Variants in VPS50 observed in about 807,000 individuals in gnomAD.
VPS50 encodes the protein syndetin.
Under a neutral mutation model 139.7 loss-of-function variants are expected in VPS50, and 70 were observed. The observed-to-expected ratio is 0.50, with a 90% CI of 0.41 to 0.61. The LOEUF (loss-of-function observed/expected upper bound fraction) is 0.61. Among genes scored for constraint, VPS50 ranks in the 20% least tolerant of loss-of-function variants. The pLI is 0.00. For synonymous variants in VPS50, 365 were observed against 376.7 expected (o/e 0.97, Z 0.36); for missense variants, 921 against 1,133.7 (o/e 0.81, Z 2.69).
chr7:93,289,049 G>A (rs933337567), intron 12 of VPS50, among the ~76,000 whole-genome samples: 9 of 152,142 alleles, frequency 5.9e-5, no homozygotes, highest in African/African-American at 2.2e-4. Flanking sequence ...GTCATCCTAG[G>A]GATGTGGCTT....
At chr7:93,248,539 C>T (rs1462583577) in intron 2 of VPS50, among the ~76,000 whole-genome samples, 1 of 152,092 alleles carries the variant, frequency 6.6e-6, no homozygotes, top group Non-Finnish European at 1.5e-5. Context: ...AAATGTTTTA[C>T]TAAGAGTTGG....
intron 18 of VPS50, among the ~76,000 whole-genome samples, chr7:93,306,319 T>C (rs1797114988): frequency 6.6e-6 from 1 of 151,946 alleles, no homozygotes; most frequent in African/African-American, 2.4e-5. Context: ...GTGAATATTA[T>C]GTGATATATT....
chr7:93,336,639 G>C (rs1419949931), intron 22 of VPS50, among the ~76,000 whole-genome samples: 1 of 151,924 alleles, frequency 6.6e-6, no homozygotes, highest in Non-Finnish European at 1.5e-5. Context: ...TCAGCCTCCC[G>C]AGTAGCTGGA....
At chr7:93,298,930 C>G (rs2116956860) in intron 16 of VPS50, among the ~76,000 whole-genome samples, 1 of 152,262 alleles carries the variant, frequency 6.6e-6, no homozygotes, top group East Asian at 1.9e-4. Flanking sequence ...ATCCTTTAAC[C>G]TCTCTGGCCT....
At chr7:93,297,293 C>CTT in intron 16 of VPS50, 50 bp downstream of exon 16, 2 of 1,442,218 alleles carry the variant, frequency 1.4e-6, no homozygotes, top group Non-Finnish European at 1.8e-6. Context: ...AATGAGAATA[C>CTT]TTTTGTCTAA....
chr7:93,320,663 C>T (rs1391038141), intron 20 of VPS50: 1 of 152,394 alleles, frequency 6.6e-6, no homozygotes, highest in East Asian at 1.9e-4. Flanking sequence ...CCGCTCCCAG[C>T]TTATCATTTC....
intron 21 of VPS50, among the ~76,000 whole-genome samples, chr7:93,332,303 T>G (rs1797962901): frequency 6.6e-6 from 1 of 152,194 alleles, no homozygotes; most frequent in Non-Finnish European, 1.5e-5. Context: ...AAGGAGATAG[T>G]AAGCTCTCTA....
At chr7:93,355,594 T>C (rs1463567836) in intron 26 of VPS50, among the ~76,000 whole-genome samples, 1 of 152,138 alleles carries the variant, frequency 6.6e-6, no homozygotes, top group African/African-American at 2.4e-5. Context: ...AGTTTAACTT[T>C]CTTACAGACA....
intron 20 of VPS50, chr7:93,320,898 C>G (rs1324393385): frequency 6.6e-6 from 1 of 152,388 alleles, no homozygotes; most frequent in Admixed American, 6.5e-5. Flanking sequence ...TGAATAGCTT[C>G]CACCTCCTTT....
intron 4 of VPS50, among the ~76,000 whole-genome samples, chr7:93,254,622 A>G (rs1354173484): frequency 6.6e-6 from 1 of 152,184 alleles, no homozygotes; most frequent in African/African-American, 2.4e-5. Flanking sequence ...GAAAGTCTGA[A>G]TTGTAGTCAC....
intron 9 of VPS50, among the ~76,000 whole-genome samples, chr7:93,265,020 A>G (rs930385785): frequency 2.6e-5 from 4 of 152,196 alleles, no homozygotes; most frequent in Non-Finnish European, 4.4e-5. Context: ...ATAGTTTCAC[A>G]TGACAAAAAT....
At position 93,253,937 on chromosome 7, in the gene VPS50, TAAA is replaced by T. The variant is rs753583178; in HGVS notation, c.297+14_297+16del. 7.1e-7 allele frequency: 1 copy of T among 1,414,620 alleles called. No homozygotes were observed. 87.6% of individuals were successfully genotyped at this position (1,414,620 alleles called of 1,614,324 possible). On this transcript the variant is annotated splice_region_variant and intron_variant, in intron 4 of 27. Transcript: ENST00000305866. ...TGAAACAACAGCAAGCTGCAGTAAG[TAAA>T]AAAAAAACACATTTCTTTCTGGCAA... is the stretch of plus-strand genomic sequence containing the variant.
intron 20 of VPS50, among the ~76,000 whole-genome samples, chr7:93,318,384 T>C (rs971765724): frequency 1.2e-4 from 19 of 152,318 alleles, no homozygotes; most frequent in Admixed American, 1.0e-3. Context: ...CACTTCATTA[T>C]TCAGTACCTT....
At chr7:93,271,118 T>G (rs1033691452) in intron 9 of VPS50, 102 bp from the exon 10 acceptor site, 6 of 1,469,890 alleles carry the variant, frequency 4.1e-6, no homozygotes, top group Non-Finnish European at 5.4e-6. Context: ...TCTATACTCT[T>G]AATCTTTGAA....
At chr7:93,275,060 G>C (rs903254064) in intron 11 of VPS50, among the ~76,000 whole-genome samples, 1 of 152,148 alleles carries the variant, frequency 6.6e-6, no homozygotes, top group African/African-American at 2.4e-5. Context: ...ATTAGAAGTG[G>C]AGCCTGAAGA....
intron 12 of VPS50, among the ~76,000 whole-genome samples, chr7:93,282,179 G>T (rs1796349879): frequency 6.6e-6 from 1 of 151,706 alleles, no homozygotes; most frequent in Non-Finnish European, 1.5e-5. Context: ...ACTCCAGCCT[G>T]GGGGACAGAG....
intron 23 of VPS50, among the ~76,000 whole-genome samples, chr7:93,348,129 C>T (rs1416406218): frequency 6.6e-6 from 1 of 151,980 alleles, no homozygotes; most frequent in Non-Finnish European, 1.5e-5. Context: ...TAAGAAAAAG[C>T]AGAAAAAGAC....
In VPS50 at chr7:93,358,471, C is replaced by G. The variant is rs368865634; in HGVS notation, c.*35C>G. On this transcript the variant is annotated 3_prime_UTR_variant, in exon 28 of 28. Transcript: ENST00000305866. ...CTCTCTTTCCTCAATGGCATTGATC[C>G]TCACTCAACATATATGACCTGAAAG... is the stretch of plus-strand genomic sequence containing the variant. 9 of 1,594,232 alleles carry G rather than the reference C, an allele frequency of 5.6e-6. No homozygotes were observed. In the African/African-American group the frequency reaches 1.2e-4, roughly 21 times the overall value.
At chr7:93,261,710 T>C (rs979857430) in intron 9 of VPS50, among the ~76,000 whole-genome samples, 11 of 144,828 alleles carry the variant, frequency 7.6e-5, no homozygotes, top group Non-Finnish European at 1.2e-4. Context: ...GAAATTAGGC[T>C]GTAGAGAGAA....
Sources: allele counts gnomAD v4.1 joint callset (sites outside exome capture counted in the v4.1 genomes callset), GRCh38; gene constraint gnomAD v4.1.1; transcripts MANE v1.5; gene names NCBI Gene and HGNC (gene_info 2026-07-23, HGNC 2026-07-21).